PRKN: variants seen among roughly 807,000 people sequenced by gnomAD.
PRKN encodes the protein E3 ubiquitin-protein ligase parkin.
Under a neutral mutation model 59.5 loss-of-function variants are expected in PRKN, and 56 were observed. The observed-to-expected ratio is 0.94, with a 90% confidence interval of 0.76 to 1.18. The LOEUF is 1.18. Ranked by LOEUF, PRKN falls within the 50% of genes most tolerant of loss-of-function variation. The pLI, the probability that PRKN is intolerant of heterozygous loss-of-function variation, is 0.00. For synonymous variants in PRKN, 250 were observed against 222.1 expected, an observed-to-expected ratio of 1.13 and a Z score of -1.12; for missense variants, 657 against 596.4, an observed-to-expected ratio of 1.10 and a Z score of -1.06.
chr6:161,500,853 T>C (rs497002), intron 9 of PRKN, among the ~76,000 whole-genome samples: 117,626 of 148,000 alleles, frequency 0.79, 47,032 homozygotes, highest in Middle Eastern at 0.87. Context: ...GGTAAGCGTA[T>C]GTTTAGTTTA....
At chr6:162,639,589 A>C (rs547119145) in intron 1 of PRKN, among the ~76,000 whole-genome samples, 1 of 152,274 alleles carries the variant, frequency 6.6e-6, no homozygotes, top group South Asian at 2.1e-4. Context: ...AAATCTGTAC[A>C]TTCACCCCTT....
At chr6:162,221,887 A>G (rs1777949107) in intron 3 of PRKN, among the ~76,000 whole-genome samples, 1 of 152,220 alleles carries the variant, frequency 6.6e-6, no homozygotes, top group South Asian at 2.1e-4. Context: ...GATTTTCAAA[A>G]GAATCAACAG....
At chr6:162,625,767 T>C (rs1782861052) in intron 1 of PRKN, among the ~76,000 whole-genome samples, 1 of 152,176 alleles carries the variant, frequency 6.6e-6, no homozygotes, top group Non-Finnish European at 1.5e-5. Flanking sequence ...ATATAAAATT[T>C]ATCTAGTTGC....
At chr6:161,787,105 C>A (rs141140566) in intron 6 of PRKN, among the ~76,000 whole-genome samples, 210 of 152,200 alleles carry the variant, frequency 1.4e-3, no homozygotes, top group African/African-American at 5.0e-3. Context: ...TAAACATGTT[C>A]ATTTTATACC....
At chr6:162,617,513 T>C (rs1782477889) in intron 1 of PRKN, among the ~76,000 whole-genome samples, 1 of 152,188 alleles carries the variant, frequency 6.6e-6, no homozygotes, top group African/African-American at 2.4e-5. Flanking sequence ...ATTACAGGCA[T>C]GAGTCACCAT....
intron 9 of PRKN, among the ~76,000 whole-genome samples, chr6:161,511,124 G>A (rs1778372561): frequency 6.6e-6 from 1 of 152,186 alleles, no homozygotes; most frequent in Non-Finnish European, 1.5e-5. Context: ...GGTAAACAAT[G>A]ACATCGTTTA....
Position 161,364,965 on chromosome 6 carries a change from C to T in PRKN, c.1168-4760G>A, listed in dbSNP as rs575438829. On this transcript the variant is annotated intron_variant, in intron 10 of 11. Transcript: ENST00000366898. ...AAAAAAATCAGAGTAGAACTAGATGCCGGACAAGAATAGCACAGAAGTGTG... is the reference window on the plus strand; with the variant it reads ...AAAAAAATCAGAGTAGAACTAGATGTCGGACAAGAATAGCACAGAAGTGTG... Among the ~76,000 whole-genome samples, 4 of 151,786 alleles carry T rather than the reference C, an allele frequency of 2.6e-5. No individual in the cohort carries two copies. In the South Asian group the frequency reaches 6.2e-4, roughly 24 times the overall value.
At chr6:162,222,479 G>T (rs1474390117) in intron 3 of PRKN, among the ~76,000 whole-genome samples, 1 of 152,122 alleles carries the variant, frequency 6.6e-6, no homozygotes, top group Non-Finnish European at 1.5e-5. Context: ...GAGCCTCAAG[G>T]AGCTGAAAGC....
At chr6:161,754,329 GGA>G (rs1165762363) in intron 7 of PRKN, among the ~76,000 whole-genome samples, 2 of 151,986 alleles carry the variant, frequency 1.3e-5, no homozygotes, top group Admixed American at 6.5e-5. Flanking sequence ...TAGGAGATGT[GGA>G]GAGGGAGGGG....
At chr6:162,132,497 C>T (rs1458944772) in intron 4 of PRKN, among the ~76,000 whole-genome samples, 1 of 152,154 alleles carries the variant, frequency 6.6e-6, no homozygotes, top group African/African-American at 2.4e-5. Flanking sequence ...TTTCAATCTA[C>T]ACGATGGACA....
At chr6:162,314,611 C>G (rs1276141014) in intron 2 of PRKN, among the ~76,000 whole-genome samples, 1 of 152,166 alleles carries the variant, frequency 6.6e-6, no homozygotes, top group African/African-American at 2.4e-5. Flanking sequence ...ACTTACTCCC[C>G]TGACTGTCCT....
At chr6:161,961,130 C>G (rs1051991253) in intron 6 of PRKN, among the ~76,000 whole-genome samples, 2 of 152,290 alleles carry the variant, frequency 1.3e-5, no homozygotes, top group South Asian at 4.1e-4. Context: ...ATTATCCTGA[C>G]GTACACATGT....
At position 161,859,471 on chromosome 6, in the gene PRKN, C is replaced by T. The variant is rs547425194; in HGVS notation, c.735-73563G>A. The stretch of plus-strand genomic sequence containing the variant: ...TACAAAAATAAGCTGGGCATGGTGG[C>T]GCATGCCTGTATGCCTGTAATCTCA... On this transcript the variant is annotated intron_variant, in intron 6 of 11. Transcript: ENST00000366898. Among the ~76,000 whole-genome samples, 26 of 151,722 alleles carry T rather than the reference C, an allele frequency of 1.7e-4. No individual in the cohort carries two copies. The East Asian group carries it at 2.2e-3, about 13-fold the overall frequency.
intron 7 of PRKN, among the ~76,000 whole-genome samples, chr6:161,622,955 G>A (rs1033752441): frequency 2.6e-5 from 4 of 152,102 alleles, no homozygotes; most frequent in African/African-American, 9.7e-5. Context: ...TTGCTCACTT[G>A]TCTTGGCAAA....
chr6:162,344,125 A>G (rs972552778), intron 2 of PRKN, among the ~76,000 whole-genome samples: 1 of 152,208 alleles, frequency 6.6e-6, no homozygotes, highest in African/African-American at 2.4e-5. Flanking sequence ...ATGTGCATAC[A>G]ATCCACAAAC....
At chr6:162,392,986 C>A (rs1381922628) in intron 2 of PRKN, among the ~76,000 whole-genome samples, 1 of 151,772 alleles carries the variant, frequency 6.6e-6, no homozygotes, top group East Asian at 1.9e-4. Flanking sequence ...GCTTTTAGGG[C>A]CACCATGCAG....
intron 6 of PRKN, among the ~76,000 whole-genome samples, chr6:161,830,221 AGT>A (rs1372371035): frequency 6.7e-6 from 1 of 150,118 alleles, no homozygotes; most frequent in East Asian, 2.0e-4. Context: ...CCTGTCTCCT[AGT>A]GTGTCGGGGT....
rs1279158059 is a variant in PRKN at position 162,482,258 on chromosome 6, T to C, written c.8-38785A>G. On this transcript the variant is annotated intron_variant, in intron 1 of 11. Coordinates refer to ENST00000366898, the MANE Select transcript of PRKN (RefSeq NM_004562.3). The stretch of plus-strand genomic sequence containing the variant: ...ACAAAAATATTTAAAACACTGTGGC[T>C]TTTCATACTTTCACAACTTTTTATT... 2.6e-5 allele frequency among the ~76,000 whole-genome samples: 4 copies of C among 152,216 alleles called. No homozygotes were observed. In the East Asian group the frequency reaches 7.7e-4, roughly 29 times the overall value.
In PRKN at chr6:162,234,033, AAAAT is replaced by A. The variant is rs1158529854; in HGVS notation, c.412+28488_412+28491del. Among the ~76,000 whole-genome samples, 4 of 152,360 alleles carry A rather than the reference AAAAT, an allele frequency of 2.6e-5. No individual in the cohort carries two copies. The East Asian group carries it at 5.8e-4, about 22-fold the overall frequency. ...GACATATACTGAAGAGTTGATGACA[AAAAT>A]AAATATGTGATTTTGACACATTCTA... On this transcript the variant is annotated intron_variant, in intron 3 of 11. Coordinates refer to ENST00000366898, the MANE Select transcript of PRKN (RefSeq NM_004562.3).
Sources: allele counts gnomAD v4.1 joint callset (sites outside exome capture counted in the v4.1 genomes callset), GRCh38; gene constraint gnomAD v4.1.1; transcripts MANE v1.5; gene names NCBI Gene and HGNC (gene_info 2026-07-23, HGNC 2026-07-21).